TRA2A: variants seen among roughly 807,000 people sequenced by gnomAD.
TRA2A encodes the protein transformer-2 protein homolog alpha.
TRA2A carries 31 observed loss-of-function variants against 45.7 expected under a neutral mutation model. That is an observed-to-expected ratio of 0.68 (90% CI 0.51 to 0.92). TRA2A has a LOEUF of 0.92. TRA2A is among the 40% of genes least tolerant of loss of function. The pLI is 0.00. For missense variants in TRA2A, 304 were observed against 367.5 expected, an observed-to-expected ratio of 0.83 and a Z score of 1.41; for synonymous variants, 132 against 126.2, an observed-to-expected ratio of 1.05 and a Z score of -0.31.
At chr7:23,530,452 A>G (rs1478166744) in intron 1 of TRA2A, among the ~76,000 whole-genome samples, 1 of 152,208 alleles carries the variant, frequency 6.6e-6, no homozygotes, top group Admixed American at 6.5e-5. Flanking sequence ...ACTCCCCAAA[A>G]GGACAAAATT....
In TRA2A at chr7:23,531,894, C is replaced by G. The variant is rs970555271; in HGVS notation, c.-70G>C. On this transcript the variant is annotated 5_prime_UTR_variant, in exon 1 of 8. Transcript: ENST00000297071. Reference sequence around the variant, plus strand: ...CTCGAGGGCCGATGGCCTAATTAACCCGCTGACTGGACCGTGGGGAAGAGG... The same window carrying G: ...CTCGAGGGCCGATGGCCTAATTAACGCGCTGACTGGACCGTGGGGAAGAGG... 5.2e-6 allele frequency: 8 copies of G among 1,548,112 alleles called. No individual in the cohort carries two copies. The African/African-American group carries it at 1.1e-4, about 21-fold the overall frequency.
chr7:23,511,479 T>C lies in TRA2A; in HGVS notation c.525+1415A>G, dbSNP rs573142663. On this transcript the variant is annotated intron_variant, in intron 4 of 7. Transcript: ENST00000297071. ...TAAAACTTCCAGATATATACAAATA[T>C]ATATATATTAATTTAAAAGACAGAA... Among the ~76,000 whole-genome samples the C allele has an allele frequency of 2.8e-5, 4 of 144,314 alleles. No homozygotes were observed. The East Asian group carries it at 8.4e-4, about 30-fold the overall frequency. The allele number at this position is 144,314 out of a possible 152,430, so 94.7% of individuals were successfully genotyped here.
intron 2 of TRA2A, among the ~76,000 whole-genome samples, chr7:23,519,602 T>C (rs1030377455): frequency 2.0e-5 from 3 of 152,166 alleles, no homozygotes; most frequent in African/African-American, 7.2e-5. Context: ...CTACTTTTTT[T>C]CAGCTCAATA....
At chr7:23,512,299 G>A (rs577289433) in intron 4 of TRA2A, among the ~76,000 whole-genome samples, 21 of 152,198 alleles carry the variant, frequency 1.4e-4, no homozygotes, top group African/African-American at 2.6e-4. Flanking sequence ...GATCAGCCTG[G>A]GCAACATAGT....
rs529268583 is a variant in TRA2A at position 23,530,446 on chromosome 7, C to T, written c.36+1343G>A. On this transcript the variant is annotated intron_variant, in intron 1 of 7. Coordinates refer to ENST00000297071, the MANE Select transcript of TRA2A (RefSeq NM_013293.5). ...TTCTAGATGTTTATATCATGAACTC[C>T]CCAAAAGGACAAAATTCGCCCTTCA... Among the ~76,000 whole-genome samples, 5 of 152,264 alleles carry T rather than the reference C, an allele frequency of 3.3e-5. No individual in the cohort carries two copies. In the South Asian group the frequency reaches 1.0e-3, roughly 32 times the overall value.
chr7:23,510,008 A>C (rs921677598), intron 4 of TRA2A, among the ~76,000 whole-genome samples: 3 of 152,210 alleles, frequency 2.0e-5, no homozygotes, highest in African/African-American at 7.2e-5. Flanking sequence ...CCTAGGCGAC[A>C]GGGCAAAGAG....
chr7:23,520,450 A>C (rs1790085052), intron 2 of TRA2A, among the ~76,000 whole-genome samples: 1 of 152,220 alleles, frequency 6.6e-6, no homozygotes, highest in South Asian at 2.1e-4. Flanking sequence ...AATTCTAGCC[A>C]GTGCTATTCT....
rs1790327592 is a variant in TRA2A, at chr7:23,526,031, TTGTC to T, written c.37-4195_37-4192del. Among the ~76,000 whole-genome samples, 6 of 152,328 alleles carry T rather than the reference TTGTC, an allele frequency of 3.9e-5. No homozygotes were observed. The South Asian group carries it at 1.2e-3, about 32-fold the overall frequency. On this transcript the variant is annotated intron_variant, in intron 1 of 7. Coordinates refer to ENST00000297071, the MANE Select transcript of TRA2A (RefSeq NM_013293.5). Reference sequence around the variant, plus strand: ...GTAACCAATACAAGCTGGTTAAGAATTGTCTTTCTGTGTTAAAATAGAGTTGTAT... The same window carrying T: ...GTAACCAATACAAGCTGGTTAAGAATTTTCTGTGTTAAAATAGAGTTGTAT...
At chr7:23,527,863 A>T (rs1208249719) in intron 1 of TRA2A, among the ~76,000 whole-genome samples, 1 of 152,222 alleles carries the variant, frequency 6.6e-6, no homozygotes, top group Non-Finnish European at 1.5e-5. Context: ...GCAGATCAAC[A>T]TCCTTCAGTG....
chr7:23,514,706 C>T (rs1389868400), intron 3 of TRA2A, among the ~76,000 whole-genome samples: 2 of 152,116 alleles, frequency 1.3e-5, no homozygotes, highest in East Asian at 3.9e-4. Context: ...GGGAATCCTC[C>T]CATCTCAGCC....
At chr7:23,509,735 A>C (rs1485377498) in intron 4 of TRA2A, among the ~76,000 whole-genome samples, 1 of 151,352 alleles carries the variant, frequency 6.6e-6, no homozygotes, top group East Asian at 1.9e-4. Flanking sequence ...CCGTCTCAAA[A>C]AAAAAAAATC....
intron 4 of TRA2A, among the ~76,000 whole-genome samples, chr7:23,511,469 T>C (rs1197417880): frequency 1.4e-5 from 2 of 144,430 alleles, no homozygotes; most frequent in African/African-American, 5.1e-5. Flanking sequence ...CTTCCAGATA[T>C]ATACAAATAT....
chr7:23,513,526 G>A (rs1789721617), intron 3 of TRA2A, among the ~76,000 whole-genome samples: 1 of 152,098 alleles, frequency 6.6e-6, no homozygotes, highest in South Asian at 2.1e-4. Flanking sequence ...GCTGAGGCAG[G>A]AGAATCGCTT....
chr7:23,506,046 T>C, intron 6 of TRA2A, 92 bp downstream of exon 6: 1 of 1,157,492 alleles, frequency 8.6e-7, no homozygotes, highest in Non-Finnish European at 1.2e-6. Context: ...ATTTTAAAAA[T>C]CAAGTTTTTA....
At chr7:23,530,372 C>T (rs967674987) in intron 1 of TRA2A, among the ~76,000 whole-genome samples, 2 of 152,172 alleles carry the variant, frequency 1.3e-5, no homozygotes, top group South Asian at 2.1e-4. Flanking sequence ...TTAAATCTTT[C>T]CTCAAAGAGA....
chr7:23,525,733 A>G (rs1396930412), intron 1 of TRA2A, among the ~76,000 whole-genome samples: 3 of 152,150 alleles, frequency 2.0e-5, no homozygotes, highest in African/African-American at 7.2e-5. Context: ...CTGGGATTAC[A>G]GGCACCCGCC....
In TRA2A at chr7:23,516,541, T is replaced by C. The variant is rs757311590; in HGVS notation, c.171-13A>G. The C allele has an allele frequency of 2.5e-6, 4 of 1,612,928 alleles. No individual in the cohort carries two copies. Among genetic ancestry groups the C allele is most frequent in the Middle Eastern group, 1.6e-4 (1 of 6,082 alleles). ...CCTTGACCTCGACCTTTGAGAGAAATACATTTAGGTAAAAATACTGAAACA... is the reference window on the plus strand; with the variant it reads ...CCTTGACCTCGACCTTTGAGAGAAACACATTTAGGTAAAAATACTGAAACA... On this transcript the variant is annotated splice_polypyrimidine_tract_variant and intron_variant, in intron 2 of 7. Coordinates refer to ENST00000297071, the MANE Select transcript of TRA2A (RefSeq NM_013293.5).
At chr7:23,510,220 G>A (rs147573970) in intron 4 of TRA2A, among the ~76,000 whole-genome samples, 6 of 152,238 alleles carry the variant, frequency 3.9e-5, no homozygotes, top group East Asian at 1.9e-4. Flanking sequence ...GACAAGCCTC[G>A]TCACCCCGCT....
At chr7:23,510,113 G>GTCCCTA (rs1212673919) in intron 4 of TRA2A, among the ~76,000 whole-genome samples, 8 of 152,278 alleles carry the variant, frequency 5.3e-5, no homozygotes, top group Non-Finnish European at 1.2e-4. Context: ...CCTAAAGACT[G>GTCCCTA]GAGACAGTCT....
Sources: gnomAD v4.1 joint callset for allele counts (sites outside exome capture counted in the v4.1 genomes callset) on GRCh38, gnomAD v4.1.1 for gene constraint, MANE v1.5 for transcripts, NCBI Gene and HGNC (gene_info 2026-07-23, HGNC 2026-07-21) for gene names.